The following COL13A1 variants were observed in gnomAD, a reference collection of about 807,000 sequenced individuals.
COL13A1 encodes the protein collagen alpha-1(XIII) chain.
Under a neutral mutation model 130.9 loss-of-function variants are expected in COL13A1, and 89 were observed. That is an observed-to-expected ratio of 0.68 (90% confidence interval 0.57 to 0.81). The LOEUF is 0.81. COL13A1 is among the 30% of genes least tolerant of loss of function. The probability of loss-of-function intolerance (pLI) is 0.00; values close to 1 mark genes in which losing one functional copy is unlikely to be tolerated. For missense variants in COL13A1, 879 were observed against 934.6 expected, an observed-to-expected ratio of 0.94 and a Z score of 0.78; for synonymous variants, 402 against 341.6, an observed-to-expected ratio of 1.18 and a Z score of -1.95.
chr10:69,875,221 C>G (rs2059460327), intron 5 of COL13A1, 58 bp downstream of exon 5: 1 of 1,606,558 alleles, frequency 6.2e-7, no homozygotes, highest in Non-Finnish European at 8.5e-7. Context: ...CCGTGCTGGC[C>G]TGTCCTCTAA....
chr10:69,924,371 A>G (rs1589551857), intron 24 of COL13A1, among the ~76,000 whole-genome samples: 1 of 151,978 alleles, frequency 6.6e-6, no homozygotes, highest in Admixed American at 6.5e-5. Flanking sequence ...CACAAGTTAC[A>G]CTGCTTTTTC....
intron 35 of COL13A1, among the ~76,000 whole-genome samples, chr10:69,941,929 C>T (rs1330106334): frequency 6.6e-6 from 1 of 152,232 alleles, no homozygotes; most frequent in Non-Finnish European, 1.5e-5. Flanking sequence ...GCCAGGGAGG[C>T]CCTGCTCTGT....
chr10:69,955,790 A>T (rs1249866034), intron 39 of COL13A1: 1 of 152,072 alleles, frequency 6.6e-6, no homozygotes, highest in Admixed American at 6.5e-5. Flanking sequence ...TCCCATATCA[A>T]TGTGTCAATT....
At chr10:69,865,278 GTGGCCCACA>G (rs1341478952) in intron 2 of COL13A1, among the ~76,000 whole-genome samples, 1 of 152,220 alleles carries the variant, frequency 6.6e-6, no homozygotes, top group Non-Finnish European at 1.5e-5. Context: ...GCACAGCCAA[GTGGCCCACA>G]TGGGAGAGCA....
chr10:69,929,866 T>G (rs1354996491), intron 28 of COL13A1, among the ~76,000 whole-genome samples, 177 bp from the exon 29 acceptor site: 1 of 152,080 alleles, frequency 6.6e-6, no homozygotes, highest in Non-Finnish European at 1.5e-5. Flanking sequence ...TGCTTTGGAG[T>G]CCTGTCTGTA....
At chr10:69,876,834 C>T (rs1400431068) in intron 5 of COL13A1, among the ~76,000 whole-genome samples, 1 of 152,162 alleles carries the variant, frequency 6.6e-6, no homozygotes, top group Non-Finnish European at 1.5e-5. Flanking sequence ...CCCCAAAGTC[C>T]CTGCTCCCAG....
At chr10:69,803,655 G>A (rs1840676435) in intron 1 of COL13A1, among the ~76,000 whole-genome samples, 1 of 152,222 alleles carries the variant, frequency 6.6e-6, no homozygotes, top group Admixed American at 6.5e-5. Context: ...GGCCATGGAA[G>A]GTTTCCATGG....
intron 12 of COL13A1, among the ~76,000 whole-genome samples, chr10:69,895,321 C>T (rs1457821788): frequency 6.6e-6 from 1 of 152,238 alleles, no homozygotes; most frequent in Non-Finnish European, 1.5e-5. Context: ...CACCCCTAGG[C>T]TCCCTGGGGC....
intron 1 of COL13A1, among the ~76,000 whole-genome samples, chr10:69,806,569 C>A (rs925626828): frequency 1.3e-5 from 2 of 152,226 alleles, no homozygotes; most frequent in Non-Finnish European, 2.9e-5. Context: ...TGGTCTGGGA[C>A]CCTTAACGAG....
intron 21 of COL13A1, 72 bp downstream of exon 21, chr10:69,919,799 T>C (rs1296351048): frequency 5.0e-6 from 2 of 398,472 alleles, no homozygotes; most frequent in African/African-American, 2.1e-5. Context: ...CTGGCCTTCC[T>C]CCATGGCTGG....
intron 2 of COL13A1, among the ~76,000 whole-genome samples, chr10:69,863,718 A>G (rs1858922009): frequency 6.6e-6 from 1 of 152,184 alleles, no homozygotes; most frequent in African/African-American, 2.4e-5. Context: ...CCAGGAGAAC[A>G]CAGGCTTTGC....
chr10:69,803,031 C>T (rs1371874513), intron 1 of COL13A1, among the ~76,000 whole-genome samples: 1 of 152,200 alleles, frequency 6.6e-6, no homozygotes, highest in Non-Finnish European at 1.5e-5. Flanking sequence ...GGCGGGCAAG[C>T]TCCACTCCTC....
chr10:69,852,044 C>G (rs1162945546), intron 2 of COL13A1, among the ~76,000 whole-genome samples: 1 of 152,100 alleles, frequency 6.6e-6, no homozygotes, highest in African/African-American at 2.4e-5. Context: ...TTTTCTGTTT[C>G]CCACCCCAGG....
intron 2 of COL13A1, among the ~76,000 whole-genome samples, chr10:69,829,407 A>G (rs1488217831): frequency 6.6e-6 from 1 of 152,210 alleles, no homozygotes; most frequent in Non-Finnish European, 1.5e-5. Flanking sequence ...CCCCCTCGCC[A>G]TGATCCCTTC....
intron 2 of COL13A1, chr10:69,829,192 T>A: frequency 1.0e-6 from 1 of 981,600 alleles, no homozygotes; most frequent in Non-Finnish European, 1.2e-6. Context: ...TTCATCCCAC[T>A]CTGTCAATTT....
chr10:69,917,353 A>T lies in COL13A1; in HGVS notation c.966+20A>T. ...GCCAAGGTACCTCCCCCTTCCCCAC[A>T]TCCCAGGCAGCCCCAAGGCCCCTCC... On this transcript the variant is annotated intron_variant, in intron 18 of 40. Coordinates refer to ENST00000645393, the MANE Select transcript of COL13A1 (RefSeq NM_001368882.1). The T allele has an allele frequency of 6.2e-7, 1 of 1,605,796 alleles. No homozygotes were observed. Among genetic ancestry groups the T allele is most frequent in the Non-Finnish European group, 8.5e-7 (1 of 1,175,316 alleles).
chr10:69,812,200 T>C (rs978826274), intron 1 of COL13A1, among the ~76,000 whole-genome samples: 15 of 152,316 alleles, frequency 9.8e-5, no homozygotes, highest in African/African-American at 3.6e-4. Flanking sequence ...CCCTTGTCAC[T>C]CTCTCCAGCC....
chr10:69,843,069 G>T (rs1422965216), intron 2 of COL13A1, among the ~76,000 whole-genome samples: 1 of 152,170 alleles, frequency 6.6e-6, no homozygotes, highest in African/African-American at 2.4e-5. Flanking sequence ...TGGCTCCTAG[G>T]CTGTCAGTGC....
At chr10:69,910,521 G>C (rs762037433) in intron 17 of COL13A1, among the ~76,000 whole-genome samples, 3 of 152,130 alleles carry the variant, frequency 2.0e-5, no homozygotes, top group African/African-American at 4.8e-5. Flanking sequence ...ACTGGGCCTG[G>C]TATCCTCTTA....
Sources: allele counts gnomAD v4.1 joint callset (sites outside exome capture counted in the v4.1 genomes callset), GRCh38; gene constraint gnomAD v4.1.1; transcripts MANE v1.5; gene names NCBI Gene and HGNC (gene_info 2026-07-23, HGNC 2026-07-21).